Variants in TNFRSF10B observed in about 807,000 individuals in gnomAD.
TNFRSF10B encodes TNF receptor superfamily member 10b, also known as tumor necrosis factor receptor superfamily member 10B.
Under a neutral mutation model 41.4 loss-of-function variants are expected in TNFRSF10B, and 35 were observed. The ratio of observed to expected loss-of-function variants is 0.85; its 90% confidence interval spans 0.65 to 1.12. TNFRSF10B has a LOEUF of 1.12. Ranked by LOEUF, TNFRSF10B falls within the 50% of genes most tolerant of loss-of-function variation. The pLI, the probability that TNFRSF10B is intolerant of heterozygous loss-of-function variation, is 0.00. For missense variants in TNFRSF10B, 584 were observed against 552.7 expected, an observed-to-expected ratio of 1.06 and a Z score of -0.57; for synonymous variants, 230 against 215.5, an observed-to-expected ratio of 1.07 and a Z score of -0.59.
Position 23,068,720 on chromosome 8 carries a change from T to C in TNFRSF10B, c.144+31A>G, listed in dbSNP as rs777365065. 14 of 1,554,064 alleles carry C rather than the reference T, an allele frequency of 9.0e-6. No homozygotes were observed. In the Admixed American group the frequency reaches 2.5e-4, roughly 28 times the overall value. ...CCTCTCCAGGCGCCAGGCACGCTCT[T>C]CCCCAGCCAGGGACCGCGGCGGGGA... On this transcript the variant is annotated intron_variant, in intron 1 of 8. Coordinates refer to ENST00000276431, the MANE Select transcript of TNFRSF10B (RefSeq NM_003842.5).
chr8:23,031,912 A>ATT (rs1554508518), intron 2 of TNFRSF10B, among the ~76,000 whole-genome samples: 2,837 of 27,782 alleles, frequency 0.1, 61 homozygotes, highest in Non-Finnish European at 0.18. Flanking sequence ...TTGCAGTAGC[A>ATT]TTTTTTTTTT....
In TNFRSF10B at chr8:23,030,972, A is replaced by G. The variant is rs560217152; in HGVS notation, c.251-100T>C. The G allele has an allele frequency of 2.2e-5, 18 of 814,588 alleles. No individual in the cohort carries two copies. In the African/African-American group the frequency reaches 2.7e-4, roughly 12 times the overall value. The allele number at this position is 814,588 out of a possible 1,614,324, so 50.5% of individuals were successfully genotyped here. A position where few individuals can be genotyped will look rare whatever the true frequency, so the allele number is the denominator to read the frequency against. ...TCCTCTTTCAGGGATGTGTGGAACCAAAAGAGGGAAATCTCCTCTACCTAG... is the reference window on the plus strand; with the variant it reads ...TCCTCTTTCAGGGATGTGTGGAACCGAAAGAGGGAAATCTCCTCTACCTAG... On this transcript the variant is annotated intron_variant, in intron 2 of 8. Transcript: ENST00000276431.
rs771475183 is a variant in TNFRSF10B at position 23,029,603 on chromosome 8, G to C, written c.476+7C>G. 1.9e-6 allele frequency: 3 copies of C among 1,606,772 alleles called. No individual in the cohort carries two copies. The East Asian group carries it at 6.7e-5, about 36-fold the overall frequency. The stretch of plus-strand genomic sequence containing the variant: ...GAGCTACTGGGAGCCCCCGGCTCCT[G>C]TCTCACCCTGTGCGGCACTTCCGGC... On this transcript the variant is annotated splice_region_variant and intron_variant, in intron 4 of 8. Transcript: ENST00000276431.
intron 1 of TNFRSF10B, among the ~76,000 whole-genome samples, chr8:23,065,689 A>G (rs1812961359): frequency 6.6e-6 from 1 of 152,234 alleles, no homozygotes; most frequent in Admixed American, 6.5e-5. Context: ...AAAAGCTAGT[A>G]TCAGAGGAGC....
At chr8:23,025,214 CCCA>C (rs1446028484) in intron 7 of TNFRSF10B, among the ~76,000 whole-genome samples, 1 of 151,890 alleles carries the variant, frequency 6.6e-6, no homozygotes. Context: ...TACAAGAAGA[CCCA>C]AAATGCAAAG....
chr8:23,052,335 G>T (rs1169835724), intron 1 of TNFRSF10B, among the ~76,000 whole-genome samples: 1 of 149,046 alleles, frequency 6.7e-6, no homozygotes, highest in Non-Finnish European at 1.5e-5. Flanking sequence ...ACCCAGGCTG[G>T]AGTGCAGTGG....
At position 23,021,644 on chromosome 8, in the gene TNFRSF10B, C is replaced by A; in HGVS notation, c.*1027G>T. 2.2e-6 allele frequency: 1 copy of A among 454,146 alleles called. No individual in the cohort carries two copies. Among genetic ancestry groups the A allele is most frequent in the Non-Finnish European group, 4.4e-6 (1 of 226,796 alleles). The allele number at this position is 454,146 out of a possible 1,614,324, so 28.1% of individuals were successfully genotyped here. A position where few individuals can be genotyped will look rare whatever the true frequency, so the allele number is the denominator to read the frequency against. On this transcript the variant is annotated 3_prime_UTR_variant, in exon 9 of 9. Transcript: ENST00000276431. ...ACTGCCCAGGTAGGGACCAGCCACA[C>A]ACAGGACTTCACGTGGATCCAGTTC...
At position 23,033,922 on chromosome 8, in the gene TNFRSF10B, C is replaced by A. The variant is rs1431509207; in HGVS notation, c.251-3050G>T. On this transcript the variant is annotated intron_variant, in intron 2 of 8. Transcript: ENST00000276431. ...TCATGACCTCATCTAAACCCAATTACTTCCCAAAGGCACCATCTCCAAATA... is the reference window on the plus strand; with the variant it reads ...TCATGACCTCATCTAAACCCAATTAATTCCCAAAGGCACCATCTCCAAATA... Among the ~76,000 whole-genome samples the A allele has an allele frequency of 4.6e-5, 7 of 152,100 alleles. No individual in the cohort carries two copies. The East Asian group carries it at 1.2e-3, about 25-fold the overall frequency.
chr8:23,059,921 A>T (rs1050949160), intron 1 of TNFRSF10B, among the ~76,000 whole-genome samples: 1 of 152,334 alleles, frequency 6.6e-6, no homozygotes, highest in East Asian at 1.9e-4. Context: ...TCATATACTT[A>T]TTGACCATTT....
intron 1 of TNFRSF10B, among the ~76,000 whole-genome samples, chr8:23,057,221 A>G (rs920856136): frequency 5.3e-5 from 8 of 150,392 alleles, no homozygotes; most frequent in Non-Finnish European, 1.0e-4. Flanking sequence ...TCATTTTTGT[A>G]TTTTCAGTAG....
At chr8:23,068,373 A>G (rs536843510) in intron 1 of TNFRSF10B, 22 of 301,528 alleles carry the variant, frequency 7.3e-5, no homozygotes, top group African/African-American at 1.6e-4. Context: ...GCGAGGAAGG[A>G]AGGGAGGGAA....
At chr8:23,061,348 GAT>G in intron 1 of TNFRSF10B, among the ~76,000 whole-genome samples, 1 of 152,260 alleles carries the variant, frequency 6.6e-6, no homozygotes, top group South Asian at 2.1e-4. Context: ...AAATCTCCCA[GAT>G]TGCAATCTGT....
At chr8:23,061,893 G>T (rs189021240) in intron 1 of TNFRSF10B, among the ~76,000 whole-genome samples, 19 of 152,218 alleles carry the variant, frequency 1.2e-4, no homozygotes, top group Admixed American at 5.2e-4. Flanking sequence ...ATCCAACTTG[G>T]TCATGGTGTA....
chr8:23,043,175 T>TTG lies in TNFRSF10B; in HGVS notation c.211_212dup (p.Gln71HisfsTer57). On this transcript the variant is annotated frameshift_variant, in exon 2 of 9. Coordinates refer to ENST00000276431, the MANE Select transcript of TNFRSF10B (RefSeq NM_003842.5). LOFTEE classifies it high-confidence loss of function. ...ATCCCTCTGAGGGGCTGGACCTCTTTTGTTGTGGGGCCGCTCTCTGCTGGG... is the reference window on the plus strand; with the variant it reads ...ATCCCTCTGAGGGGCTGGACCTCTTTTGTGTTGTGGGGCCGCTCTCTGCTGGG... 6.2e-7 allele frequency: 1 copy of TTG among 1,614,098 alleles called. No homozygotes were observed.
intron 1 of TNFRSF10B, among the ~76,000 whole-genome samples, chr8:23,067,121 G>A (rs927402371): frequency 2.0e-5 from 3 of 151,900 alleles, no homozygotes; most frequent in Non-Finnish European, 2.9e-5. Flanking sequence ...TGGGATTGCA[G>A]GTGCCCACCA....
At chr8:23,033,540 A>G (rs954569441) in intron 2 of TNFRSF10B, among the ~76,000 whole-genome samples, 1 of 132,070 alleles carries the variant, frequency 7.6e-6, no homozygotes, top group Non-Finnish European at 1.6e-5. Context: ...GTGAGCCGAG[A>G]TTACGCCACT....
intron 1 of TNFRSF10B, among the ~76,000 whole-genome samples, chr8:23,063,679 C>A (rs1256155457): frequency 2.6e-5 from 4 of 152,192 alleles, no homozygotes; most frequent in Non-Finnish European, 2.9e-5. Context: ...GATAATGCAA[C>A]CTGACCCTCA....
chr8:23,022,785 C>CA lies in TNFRSF10B; in HGVS notation c.1208dup (p.Asp404GlyfsTer16). 1 of 1,613,988 alleles carries CA rather than the reference C, an allele frequency of 6.2e-7. No homozygotes were observed. Among genetic ancestry groups the CA allele is most frequent in the South Asian group, 1.1e-5 (1 of 91,080 alleles). On this transcript the variant is annotated frameshift_variant, in exon 9 of 9. Transcript: ENST00000276431. LOFTEE classifies it low-confidence loss of function (END_TRUNC). Reference sequence around the variant, plus strand: ...TCTCTCCCAGCGTCTCCAAGGCATCCAGCAGGGTGTGGACAGAGGCATCTC... The same window carrying CA: ...TCTCTCCCAGCGTCTCCAAGGCATCCAAGCAGGGTGTGGACAGAGGCATCTC...
chr8:23,065,009 T>C (rs1044473673), intron 1 of TNFRSF10B, among the ~76,000 whole-genome samples: 1 of 152,190 alleles, frequency 6.6e-6, no homozygotes, highest in Non-Finnish European at 1.5e-5. Context: ...ATGACATCTC[T>C]GGAGCCAGCA....
Sources: gnomAD v4.1 joint callset for allele counts (sites outside exome capture counted in the v4.1 genomes callset) on GRCh38, gnomAD v4.1.1 for gene constraint, MANE v1.5 for transcripts, NCBI Gene and HGNC (gene_info 2026-07-23, HGNC 2026-07-21) for gene names.